The following CLSTN2 variants were observed in gnomAD, a reference collection of about 807,000 sequenced individuals.
CLSTN2 encodes calsyntenin 2, also known as calsyntenin-2.
Under a neutral mutation model 101.2 loss-of-function variants are expected in CLSTN2, and 48 were observed. That is an observed-to-expected ratio of 0.47 (90% CI 0.38 to 0.60). The LOEUF (loss-of-function observed/expected upper bound fraction) is 0.60. Among genes scored for constraint, CLSTN2 ranks in the 20% least tolerant of loss-of-function variants. CLSTN2 has a pLI of 0.00. For synonymous variants in CLSTN2, 481 were observed against 463.6 expected (o/e 1.04, Z -0.48); for missense variants, 1,160 against 1,238.2 (o/e 0.94, Z 0.95).
rs368333843 is a variant in CLSTN2, at chr3:140,445,515, C to G, written c.788-3004C>G. ...CTCAAGACTGGTGCCGCAGGGTGCA[C>G]ACCAAGCTCCCACTCCCAGCACAAA... On this transcript the variant is annotated intron_variant, in intron 5 of 16. Coordinates refer to ENST00000458420, the MANE Select transcript of CLSTN2 (RefSeq NM_022131.3). Among the ~76,000 whole-genome samples the G allele has an allele frequency of 8.5e-5, 13 of 152,276 alleles. No homozygotes were observed. In the East Asian group the frequency reaches 1.7e-3, roughly 20 times the overall value.
At chr3:140,287,133 G>A (rs2086902468) in intron 2 of CLSTN2, among the ~76,000 whole-genome samples, 1 of 152,162 alleles carries the variant, frequency 6.6e-6, no homozygotes, top group African/African-American at 2.4e-5. Flanking sequence ...TAAGGATGTT[G>A]TCTGATTTCT....
At chr3:140,340,176 C>A (rs2087478563) in intron 2 of CLSTN2, among the ~76,000 whole-genome samples, 1 of 152,234 alleles carries the variant, frequency 6.6e-6, no homozygotes, top group Non-Finnish European at 1.5e-5. Flanking sequence ...TAGTCCTTTC[C>A]TAGCAGATGT....
At chr3:140,071,990 G>A (rs1386872841) in intron 1 of CLSTN2, among the ~76,000 whole-genome samples, 1 of 152,128 alleles carries the variant, frequency 6.6e-6, no homozygotes, top group East Asian at 1.9e-4. Flanking sequence ...AACATGTCAA[G>A]GGTATGTTGA....
rs1450500232 is a variant in CLSTN2 at position 140,031,176 on chromosome 3, G to T, written c.109+95693G>T. 3.3e-5 allele frequency among the ~76,000 whole-genome samples: 5 copies of T among 152,184 alleles called. No homozygotes were observed. The East Asian group carries it at 9.6e-4, about 29-fold the overall frequency. ...AGTTTTCCTAGGAAAGCAATGTAGG[G>T]TCATGCTTTGCTTCTCTTTGGTTAT... On this transcript the variant is annotated intron_variant, in intron 1 of 16. Coordinates refer to ENST00000458420, the MANE Select transcript of CLSTN2 (RefSeq NM_022131.3).
chr3:140,146,252 G>T (rs2009779523), intron 1 of CLSTN2, among the ~76,000 whole-genome samples: 1 of 152,242 alleles, frequency 6.6e-6, no homozygotes, highest in South Asian at 2.1e-4. Flanking sequence ...TAATAGCTGG[G>T]AGGCCCAAAA....
rs1985759652 is a variant in CLSTN2 at position 140,577,284 on chromosome 3, A to T, written c.*11031A>T. The T allele has an allele frequency of 6.6e-6, 1 of 152,188 alleles. No individual in the cohort carries two copies. The highest frequency in any genetic ancestry group is 1.5e-5 in the Non-Finnish European group (1 of 68,042). The allele number at this position is 152,188 out of a possible 1,614,324, so 9.4% of individuals were successfully genotyped here. On this transcript the variant is annotated 3_prime_UTR_variant, in exon 17 of 17. Coordinates refer to ENST00000458420, the MANE Select transcript of CLSTN2 (RefSeq NM_022131.3). ...TTAAATGCCTATTCAACACAGACAG[A>T]TTTTTATTTTCAGCTGTGGCTTGTA...
At position 140,404,620 on chromosome 3, in the gene CLSTN2, C is replaced by G; in HGVS notation, c.491C>G (p.Ala164Gly). Reference protein sequence around the residue: ...NEFAPTFKEPAYKAVVTEGKI... With the variant: ...NEFAPTFKEPGYKAVVTEGKI... ...TTTGCTCCCACCTTCAAAGAGCCAG[C>G]CTACAAGGCTGTTGTGACGGAGGGC... The change falls in exon 4 of 17, where the codon GCC (alanine) becomes GGC (glycine). Residue 164 changes from alanine (A) to glycine (G), a missense_variant. Transcript: ENST00000458420. 6.2e-7 allele frequency: 1 copy of G among 1,614,204 alleles called. No individual in the cohort carries two copies. Among genetic ancestry groups the G allele is most frequent in the Non-Finnish European group, 8.5e-7 (1 of 1,180,034 alleles).
At chr3:140,487,982 T>A (rs1345051869) in intron 8 of CLSTN2, among the ~76,000 whole-genome samples, 3 of 152,238 alleles carry the variant, frequency 2.0e-5, no homozygotes, top group Non-Finnish European at 4.4e-5. Flanking sequence ...CACTTATTTT[T>A]CTGCCTGTAA....
intron 1 of CLSTN2, among the ~76,000 whole-genome samples, chr3:140,040,770 A>G (rs1375980563): frequency 6.6e-6 from 1 of 152,248 alleles, no homozygotes; most frequent in East Asian, 1.9e-4. Flanking sequence ...GAAAAAGAAT[A>G]AAGTCTTGGC....
intron 4 of CLSTN2, among the ~76,000 whole-genome samples, chr3:140,410,786 T>A (rs1180068061): frequency 6.6e-6 from 1 of 152,186 alleles, no homozygotes; most frequent in Non-Finnish European, 1.5e-5. Flanking sequence ...ACATAAATTG[T>A]GGCACAAAAA....
intron 6 of CLSTN2, among the ~76,000 whole-genome samples, chr3:140,458,728 C>T (rs758695513): frequency 9.2e-5 from 14 of 152,340 alleles, no homozygotes; most frequent in Non-Finnish European, 1.6e-4. Flanking sequence ...TGATAGCTAA[C>T]ACTGAGTGAA....
chr3:140,025,502 A>G (rs1413691443), intron 1 of CLSTN2, among the ~76,000 whole-genome samples: 3 of 152,116 alleles, frequency 2.0e-5, no homozygotes, highest in African/African-American at 4.8e-5. Flanking sequence ...GGCCAACCAT[A>G]TGAGATTTTG....
intron 1 of CLSTN2, among the ~76,000 whole-genome samples, chr3:140,109,619 C>A (rs1303793934): frequency 6.6e-6 from 1 of 152,132 alleles, no homozygotes; most frequent in Non-Finnish European, 1.5e-5. Context: ...TGTCTGTGCT[C>A]TATGAAAGCA....
At chr3:140,551,851 G>A (rs1258379039) in intron 10 of CLSTN2, among the ~76,000 whole-genome samples, 1 of 148,106 alleles carries the variant, frequency 6.8e-6, no homozygotes. Flanking sequence ...ATATATTTTA[G>A]TGTATACATA....
chr3:140,252,336 G>A (rs886116337), intron 2 of CLSTN2, among the ~76,000 whole-genome samples: 2 of 152,140 alleles, frequency 1.3e-5, no homozygotes, highest in African/African-American at 4.8e-5. Context: ...CCCTCGCTGA[G>A]GGTCCTGAAC....
At chr3:140,046,051 C>T (rs535663017) in intron 1 of CLSTN2, among the ~76,000 whole-genome samples, 2 of 152,134 alleles carry the variant, frequency 1.3e-5, no homozygotes, top group Admixed American at 6.5e-5. Flanking sequence ...TGCAGAGCTG[C>T]GTTCAATTCC....
At chr3:140,363,235 C>T (rs1167826910) in intron 2 of CLSTN2, among the ~76,000 whole-genome samples, 2 of 152,062 alleles carry the variant, frequency 1.3e-5, no homozygotes, top group African/African-American at 2.4e-5. Context: ...CAGTAGACTA[C>T]ATATTGTATG....
chr3:140,251,627 C>CCTTTT (rs2086564851), intron 2 of CLSTN2, among the ~76,000 whole-genome samples: 3 of 151,660 alleles, frequency 2.0e-5, no homozygotes, highest in Non-Finnish European at 4.4e-5. Flanking sequence ...CCTTTCCTTT[C>CCTTTT]CTTTCCTTTC....
intron 1 of CLSTN2, among the ~76,000 whole-genome samples, chr3:140,020,946 T>C (rs1014648794): frequency 6.6e-6 from 1 of 152,224 alleles, no homozygotes; most frequent in Non-Finnish European, 1.5e-5. Context: ...ATCTCTGCTG[T>C]GCCGTAAAAA....
Sources: gnomAD v4.1 joint callset for allele counts (sites outside exome capture counted in the v4.1 genomes callset) on GRCh38, gnomAD v4.1.1 for gene constraint, MANE v1.5 for transcripts, NCBI Gene and HGNC (gene_info 2026-07-23, HGNC 2026-07-21) for gene names.